Variants in ZBTB20 observed in about 807,000 individuals in gnomAD.
The protein encoded by ZBTB20 is zinc finger and BTB domain-containing protein 20.
A neutral mutation model predicts 56.9 loss-of-function variants in ZBTB20; 9 were observed. That is an observed-to-expected ratio of 0.16 (90% CI 0.10 to 0.28). ZBTB20 has a LOEUF of 0.28. Ranked by LOEUF, ZBTB20 falls within the 10% of genes least tolerant of loss-of-function variation. The probability of loss-of-function intolerance (pLI) is 1.00; values close to 1 mark genes in which losing one functional copy is unlikely to be tolerated. For missense variants in ZBTB20, 655 were observed against 1,003.0 expected (o/e 0.65, Z 4.69); for synonymous variants, 417 against 420.7 (o/e 0.99, Z 0.11).
chr3:115,020,222 G>A (rs899081078), intron 2 of ZBTB20, among the ~76,000 whole-genome samples: 1 of 151,052 alleles, frequency 6.6e-6, no homozygotes, highest in East Asian at 1.9e-4. Context: ...GTGTTTTATT[G>A]CTTATTCAAA....
intron 7 of ZBTB20, among the ~76,000 whole-genome samples, chr3:114,499,518 G>A (rs1010328593): frequency 6.6e-6 from 1 of 152,216 alleles, no homozygotes; most frequent in African/African-American, 2.4e-5. Context: ...GAAGCAGCCA[G>A]AGGATACCGA....
chr3:114,621,806 A>G (rs6772691), intron 6 of ZBTB20, among the ~76,000 whole-genome samples: 1,980 of 152,268 alleles, frequency 0.013, 45 homozygotes, highest in South Asian at 0.068. Context: ...TGATCAAGGT[A>G]TTGAAAAAAT....
intron 10 of ZBTB20, among the ~76,000 whole-genome samples, chr3:114,358,689 G>GGAC (rs1204338538): frequency 1.3e-5 from 2 of 152,092 alleles, no homozygotes; most frequent in Non-Finnish European, 2.9e-5. Flanking sequence ...AAGCTGCTTT[G>GGAC]GGGGTCACTT....
chr3:115,097,452 A>G (rs916181120), intron 1 of ZBTB20, among the ~76,000 whole-genome samples: 1 of 151,358 alleles, frequency 6.6e-6, no homozygotes, highest in African/African-American at 2.4e-5. Flanking sequence ...AAAGTGCCCT[A>G]TTTTTTTTAA....
chr3:114,718,007 AAC>A (rs2108477960), intron 5 of ZBTB20, among the ~76,000 whole-genome samples: 1 of 152,292 alleles, frequency 6.6e-6, no homozygotes, highest in African/African-American at 2.4e-5. Context: ...AATTGGGATA[AAC>A]ACAGTATATT....
rs1460576572 is a variant in ZBTB20, at chr3:114,331,041, G to A, written c.*7964C>T. 6.6e-6 allele frequency: 1 copy of A among 152,248 alleles called. No individual in the cohort carries two copies. Among genetic ancestry groups the A allele is most frequent in the Non-Finnish European group, 1.5e-5 (1 of 68,116 alleles). 9.4% of individuals were successfully genotyped at this position (152,248 alleles called of 1,614,324 possible). A position where few individuals can be genotyped will look rare whatever the true frequency, so the allele number is the denominator to read the frequency against. On this transcript the variant is annotated 3_prime_UTR_variant, in exon 12 of 12. Coordinates refer to ENST00000675478, the MANE Select transcript of ZBTB20 (RefSeq NM_001348800.3). Reference sequence around the variant, plus strand: ...ATTGGTTTCAGGAGACACAGTTTGTGAATTACGATGATATCTTGTGAGTAC... The same window carrying A: ...ATTGGTTTCAGGAGACACAGTTTGTAAATTACGATGATATCTTGTGAGTAC...
chr3:115,079,999 A>G (rs2082739460), intron 1 of ZBTB20, among the ~76,000 whole-genome samples: 1 of 152,184 alleles, frequency 6.6e-6, no homozygotes, highest in African/African-American at 2.4e-5. Context: ...GATGAGGAAA[A>G]TAGCTCAGTG....
At chr3:114,623,150 A>C (rs1365588798) in intron 6 of ZBTB20, among the ~76,000 whole-genome samples, 1 of 152,214 alleles carries the variant, frequency 6.6e-6, no homozygotes, top group East Asian at 1.9e-4. Flanking sequence ...AAAAGAAACT[A>C]GGCAGGGACC....
intron 1 of ZBTB20, among the ~76,000 whole-genome samples, chr3:115,096,187 C>CT (rs1322302976): frequency 5.3e-5 from 8 of 152,168 alleles, no homozygotes; most frequent in African/African-American, 1.9e-4. Context: ...AATGATAACT[C>CT]TGGCAGGTAC....
At chr3:114,854,689 C>A (rs948634543) in intron 4 of ZBTB20, among the ~76,000 whole-genome samples, 1 of 152,128 alleles carries the variant, frequency 6.6e-6, no homozygotes. Flanking sequence ...ATCACTGATA[C>A]CCTGCAGGGC....
intron 6 of ZBTB20, among the ~76,000 whole-genome samples, chr3:114,547,321 A>C (rs995691455): frequency 1.3e-5 from 2 of 152,176 alleles, no homozygotes; most frequent in Non-Finnish European, 2.9e-5. Context: ...GTTTGAAGGA[A>C]GGGTGGCCTA....
intron 6 of ZBTB20, among the ~76,000 whole-genome samples, chr3:114,544,455 TTCTTTCTTTC>T (rs2049563518): frequency 8.5e-6 from 1 of 117,962 alleles, no homozygotes; most frequent in African/African-American, 3.6e-5. Flanking sequence ...CTTTCTTTCT[TTCTTTCTTTC>T]TTTCTTTCTT....
intron 6 of ZBTB20, among the ~76,000 whole-genome samples, chr3:114,564,561 T>C (rs1012091645): frequency 1.3e-5 from 2 of 152,198 alleles, no homozygotes; most frequent in African/African-American, 2.4e-5. Flanking sequence ...TGTGTGGAAA[T>C]CATGGTCTTA....
At chr3:114,967,099 C>A (rs978699349) in intron 3 of ZBTB20, among the ~76,000 whole-genome samples, 13 of 152,012 alleles carry the variant, frequency 8.6e-5, no homozygotes, top group Admixed American at 6.6e-4. Flanking sequence ...GGTTGTGTAA[C>A]CTTGAAGATA....
At chr3:114,752,739 T>C (rs896872006) in intron 5 of ZBTB20, among the ~76,000 whole-genome samples, 7 of 152,176 alleles carry the variant, frequency 4.6e-5, no homozygotes, top group Admixed American at 2.0e-4. Flanking sequence ...TCTGACCTTT[T>C]GAAGGACAGT....
At position 114,422,896 on chromosome 3, in the gene ZBTB20, C is replaced by T. The variant is rs146923114; in HGVS notation, c.-254-33791G>A. ...ATATATTTTGGGTCAGTCACCTTTA[C>T]CTTTACAGCAGCATGACCAATGATT... On this transcript the variant is annotated intron_variant, in intron 7 of 11. Transcript: ENST00000675478. Among the ~76,000 whole-genome samples, 975 of 152,170 alleles carry T rather than the reference C, an allele frequency of 6.4e-3. 9 individuals carry two copies. The highest frequency in any genetic ancestry group is 0.041 in the Middle Eastern group (12 of 294).
intron 5 of ZBTB20, among the ~76,000 whole-genome samples, chr3:114,779,212 T>C (rs936578928): frequency 6.6e-6 from 1 of 152,186 alleles, no homozygotes; most frequent in East Asian, 1.9e-4. Context: ...AACTTATCTT[T>C]AGAAGGACAG....
At chr3:114,612,681 C>T (rs1341348764) in intron 6 of ZBTB20, among the ~76,000 whole-genome samples, 3 of 152,104 alleles carry the variant, frequency 2.0e-5, no homozygotes, top group Non-Finnish European at 4.4e-5. Context: ...CCAACATTTT[C>T]CAGTAAAAAT....
chr3:114,901,653 T>A (rs1459764542), intron 3 of ZBTB20, among the ~76,000 whole-genome samples: 1 of 152,044 alleles, frequency 6.6e-6, no homozygotes, highest in Non-Finnish European at 1.5e-5. Context: ...AATAATTAAA[T>A]AAAGCATAGC....
Sources: gnomAD v4.1 joint callset for allele counts (sites outside exome capture counted in the v4.1 genomes callset) on GRCh38, gnomAD v4.1.1 for gene constraint, MANE v1.5 for transcripts, NCBI Gene and HGNC (gene_info 2026-07-23, HGNC 2026-07-21) for gene names.